Variants in SGCD observed in about 807,000 individuals in gnomAD.
SGCD encodes the protein sarcoglycan delta, also known as delta-sarcoglycan.
SGCD carries 18 observed loss-of-function variants against 36.6 expected under a neutral mutation model. The ratio of observed to expected loss-of-function variants is 0.49; its 90% CI spans 0.34 to 0.73. The LOEUF (loss-of-function observed/expected upper bound fraction) is 0.73, where lower values mean the gene tolerates loss of function less well. Among genes scored for constraint, SGCD ranks in the 30% least tolerant of loss-of-function variants. The probability of loss-of-function intolerance (pLI) is 0.01; values close to 1 mark genes in which losing one functional copy is unlikely to be tolerated. For missense variants in SGCD, 387 were observed against 346.7 expected (o/e 1.12, Z -0.92); for synonymous variants, 133 against 130.6 (o/e 1.02, Z -0.12).
intron 1 of SGCD, among the ~76,000 whole-genome samples, chr5:155,984,620 C>T (rs536040632): frequency 3.9e-5 from 6 of 152,252 alleles, no homozygotes; most frequent in South Asian, 2.1e-4. Flanking sequence ...CCCAGCATTC[C>T]GGTTTCTCAC....
At chr5:156,279,682 C>CT (rs559810561) in intron 3 of SGCD, among the ~76,000 whole-genome samples, 168 of 152,066 alleles carry the variant, frequency 1.1e-3, no homozygotes, top group African/African-American at 3.8e-3. Context: ...CATTTTTTCT[C>CT]TTTTTTTGTG....
chr5:155,755,290 C>T, the SGCD span, among the ~76,000 whole-genome samples: 3 of 152,136 alleles, frequency 2.0e-5, no homozygotes. Flanking sequence ...TTATTGTGCC[C>T]TACCTGGGTT....
the SGCD span, among the ~76,000 whole-genome samples, chr5:155,851,372 G>A: frequency 9.2e-5 from 14 of 152,126 alleles, no homozygotes; most frequent in African/African-American, 2.9e-4. Context: ...GGGATAAAGC[G>A]AAGGCACTTT....
intron 3 of SGCD, among the ~76,000 whole-genome samples, chr5:156,507,705 T>A (rs963910323): frequency 8.5e-5 from 13 of 152,318 alleles, no homozygotes; most frequent in African/African-American, 3.1e-4. Context: ...GAAATTCCAT[T>A]TTTAAAATGA....
intron 4 of SGCD, among the ~76,000 whole-genome samples, chr5:156,566,601 A>G (rs1294094158): frequency 6.6e-6 from 1 of 152,186 alleles, no homozygotes; most frequent in African/African-American, 2.4e-5. Context: ...TATTTATTTA[A>G]TATGTTCCTG....
At chr5:156,647,631 C>T (rs1763280254) in intron 7 of SGCD, 95 bp downstream of exon 7, 1 of 765,178 alleles carries the variant, frequency 1.3e-6, no homozygotes, top group Non-Finnish European at 2.1e-6. Context: ...ATAAGTGTCA[C>T]AGCGTGAATA....
chr5:156,212,928 A>T (rs539267112), intron 3 of SGCD, among the ~76,000 whole-genome samples: 1 of 152,072 alleles, frequency 6.6e-6, no homozygotes, highest in Non-Finnish European at 1.5e-5. Context: ...TTAAAAGGGA[A>T]ATTTAAAAAT....
intron 1 of SGCD, among the ~76,000 whole-genome samples, chr5:156,026,626 A>G (rs256631): frequency 0.37 from 56,190 of 152,142 alleles, 10,763 homozygotes; most frequent in East Asian, 0.46. Flanking sequence ...TGTTAAGTTT[A>G]ATCGTCAGCT....
chr5:155,771,194 C>A, the SGCD span, among the ~76,000 whole-genome samples: 1 of 152,070 alleles, frequency 6.6e-6, no homozygotes, highest in South Asian at 2.1e-4. Context: ...TTCCTGGGTT[C>A]CACCATGCCC....
At chr5:156,393,816 C>T (rs11960866) in intron 3 of SGCD, 24 of 456,178 alleles carry the variant, frequency 5.3e-5, no homozygotes, top group Non-Finnish European at 1.1e-4. Flanking sequence ...CTGAGAGGAG[C>T]CAGAACCAGG....
chr5:156,309,466 T>G (rs1305626302), intron 3 of SGCD, among the ~76,000 whole-genome samples: 1 of 152,060 alleles, frequency 6.6e-6, no homozygotes, highest in Non-Finnish European at 1.5e-5. Context: ...ATTTTTCATT[T>G]CAGGTATTAT....
At chr5:156,679,108 CA>C (rs1753625796) in intron 7 of SGCD, among the ~76,000 whole-genome samples, 1 of 152,168 alleles carries the variant, frequency 6.6e-6, no homozygotes, top group Non-Finnish European at 1.5e-5. Flanking sequence ...ACTTGGATGT[CA>C]GCTGAGATTA....
At chr5:156,521,016 CAAAAAAAAAAAAA>C (rs3075012) in intron 4 of SGCD, among the ~76,000 whole-genome samples, 15 of 56,732 alleles carry the variant, frequency 2.6e-4, no homozygotes, top group Non-Finnish European at 5.1e-4. Context: ...GACTCCGTCT[CAAAAAAAAAAAAA>C]AAAAAAAAAA....
At chr5:156,736,026 C>T (rs1421452037) in intron 7 of SGCD, among the ~76,000 whole-genome samples, 5 of 152,194 alleles carry the variant, frequency 3.3e-5, no homozygotes, top group African/African-American at 1.2e-4. Flanking sequence ...TCACTCGCTG[C>T]TTACCTTGGC....
chr5:156,225,366 C>T (rs1282034990), intron 3 of SGCD, among the ~76,000 whole-genome samples: 1 of 152,056 alleles, frequency 6.6e-6, no homozygotes, highest in East Asian at 1.9e-4. Flanking sequence ...ATAATTGAAG[C>T]TACTTAACAC....
chr5:155,811,039 G>C, the SGCD span, among the ~76,000 whole-genome samples: 3 of 150,692 alleles, frequency 2.0e-5, no homozygotes, highest in African/African-American at 4.9e-5. Flanking sequence ...GGATGGTCTC[G>C]ATCTCCTGAC....
At chr5:156,048,234 T>G (rs1759823234) in intron 1 of SGCD, among the ~76,000 whole-genome samples, 1 of 152,254 alleles carries the variant, frequency 6.6e-6, no homozygotes, top group Non-Finnish European at 1.5e-5. Context: ...GTTGGGCATT[T>G]GGCTTGGTTC....
At chr5:155,895,738 C>T (rs557235980) in intron 1 of SGCD, among the ~76,000 whole-genome samples, 2 of 151,322 alleles carry the variant, frequency 1.3e-5, no homozygotes, top group African/African-American at 4.9e-5. Flanking sequence ...TAAGTAAATT[C>T]TCTGTGGGAT....
chr5:156,334,721 G>C (rs1440857195), intron 2 of SGCD, among the ~76,000 whole-genome samples: 2 of 137,370 alleles, frequency 1.5e-5, no homozygotes, highest in Non-Finnish European at 3.0e-5. Flanking sequence ...TTTATTATCT[G>C]TCTCCCCATC....
Sources: allele counts gnomAD v4.1 joint callset (sites outside exome capture counted in the v4.1 genomes callset), GRCh38; gene constraint gnomAD v4.1.1; transcripts MANE v1.5; gene names NCBI Gene and HGNC (gene_info 2026-07-23, HGNC 2026-07-21).